The following TAB1 variants were observed in gnomAD, a reference collection of about 807,000 sequenced individuals.
TAB1 encodes TGF-beta-activated kinase 1 and MAP3K7-binding protein 1.
TAB1 carries 30 observed loss-of-function variants against 54.5 expected under a neutral mutation model. The observed-to-expected ratio is 0.55, with a 90% CI of 0.41 to 0.75. The LOEUF (loss-of-function observed/expected upper bound fraction) is 0.75, where lower values mean the gene tolerates loss of function less well. Ranked by LOEUF, TAB1 falls within the 30% of genes least tolerant of loss-of-function variation. TAB1 has a pLI of 0.00. For synonymous variants in TAB1, 289 were observed against 286.9 expected, an observed-to-expected ratio of 1.01 and a Z score of -0.07; for missense variants, 609 against 683.2, an observed-to-expected ratio of 0.89 and a Z score of 1.21.
At position 39,400,392 on chromosome 22, in the gene TAB1, A is replaced by G. The variant is rs551877801; in HGVS notation, c.33+557A>G. The stretch of plus-strand genomic sequence containing the variant: ...AAAATCAGGCAGTGTGATTCCAGAA[A>G]CCCCCTTAACCCCTGGGCTGTACTA... On this transcript the variant is annotated intron_variant, in intron 1 of 10. Coordinates refer to ENST00000216160, the MANE Select transcript of TAB1 (RefSeq NM_006116.3). 5.3e-5 allele frequency among the ~76,000 whole-genome samples: 8 copies of G among 151,774 alleles called. 1 individual carries two copies. The South Asian group carries it at 1.7e-3, about 32-fold the overall frequency.
chr22:39,431,949 C>A, downstream of TAB1: 1 of 896,464 alleles, frequency 1.1e-6, no homozygotes, highest in Non-Finnish European at 1.3e-6. Context: ...CCCCTCTTCA[C>A]TGCCCTGGAG....
chr22:39,400,641 T>C (rs1387617424), intron 1 of TAB1, among the ~76,000 whole-genome samples: 1 of 152,232 alleles, frequency 6.6e-6, no homozygotes, highest in African/African-American at 2.4e-5. Context: ...GTTGGCACCA[T>C]GGACTACTCT....
At position 39,415,821 on chromosome 22, in the gene TAB1, C is replaced by T. The variant is rs1230436602; in HGVS notation, c.324+168C>T. On this transcript the variant is annotated intron_variant, in intron 3 of 10. Coordinates refer to ENST00000216160, the MANE Select transcript of TAB1 (RefSeq NM_006116.3). This position sits in a 1 kb window ranked among gnomAD's most constrained non-coding sequence, Gnocchi z 4.9. ...GTAGGCCCCCCCACCCAACAGGAGT[C>T]CAGGACCAGCCAGCGAGCAGCAGGC... 6.6e-6 allele frequency among the ~76,000 whole-genome samples: 1 copy of T among 152,186 alleles called. No homozygotes were observed. Among genetic ancestry groups the T allele is most frequent in the African/African-American group, 2.4e-5 (1 of 41,432 alleles).
chr22:39,428,857 G>A (rs1927464863), intron 10 of TAB1, among the ~76,000 whole-genome samples: 1 of 152,254 alleles, frequency 6.6e-6, no homozygotes, highest in South Asian at 2.1e-4. Flanking sequence ...TGGGCGGCCT[G>A]CATGCCTCTG....
intron 8 of TAB1, among the ~76,000 whole-genome samples, chr22:39,424,278 A>C (rs898769254): frequency 6.6e-6 from 1 of 152,088 alleles, no homozygotes; most frequent in Non-Finnish European, 1.5e-5. Context: ...CATCTTTGCA[A>C]TTGTGAATTG....
chr22:39,417,845 T>C lies in TAB1; in HGVS notation c.546T>C (p.Asn182=), dbSNP rs1926905776. 2 of 1,605,066 alleles carry C rather than the reference T, an allele frequency of 1.2e-6. No homozygotes were observed. Among genetic ancestry groups the C allele is most frequent in the South Asian group, 1.1e-5 (1 of 89,420 alleles). The change falls in exon 5 of 11, where the codon AAT becomes AAC. Residue 182 remains asparagine (N), a synonymous_variant. Coordinates refer to ENST00000216160, the MANE Select transcript of TAB1 (RefSeq NM_006116.3). The part of the protein sequence containing the change: ...VLLNNKLYVA[N]VGTNRALLCK... ...TCAACAACAAGCTCTACGTCGCCAATGTCGGTGAGCCCCCTCCTGTCCCAG... is the reference window on the plus strand; with the variant it reads ...TCAACAACAAGCTCTACGTCGCCAACGTCGGTGAGCCCCCTCCTGTCCCAG...
chr22:39,416,478 C>T (rs1926839068), intron 3 of TAB1, among the ~76,000 whole-genome samples: 1 of 152,266 alleles, frequency 6.6e-6, no homozygotes, highest in South Asian at 2.1e-4. Context: ...AGAGGTCACA[C>T]CAGCTGGGCC....
At chr22:39,414,756 G>A (rs974970150) in intron 1 of TAB1, 12 of 501,250 alleles carry the variant, frequency 2.4e-5, no homozygotes, top group African/African-American at 4.0e-5. Context: ...GGAGGTCATT[G>A]CTGCGCCTTA....
chr22:39,436,498 C>A (rs755365392), downstream of TAB1: 1 of 1,613,610 alleles, frequency 6.2e-7, no homozygotes, highest in South Asian at 1.1e-5. Flanking sequence ...AGAGACCCTT[C>A]CAGGCCTGCA....
At chr22:39,411,244 G>A (rs1382329624) in intron 1 of TAB1, among the ~76,000 whole-genome samples, 1 of 152,130 alleles carries the variant, frequency 6.6e-6, no homozygotes, top group African/African-American at 2.4e-5. Context: ...CTTGGGACTG[G>A]ACAGAGAGTT....
At chr22:39,432,680 C>A, downstream of TAB1, 1 of 898,628 alleles carries the variant, frequency 1.1e-6, no homozygotes, top group Non-Finnish European at 1.3e-6. Context: ...AACTGAGGCA[C>A]AGACAGGTTC....
At chr22:39,426,316 TC>T (rs1927333224) in intron 8 of TAB1, among the ~76,000 whole-genome samples, 1 of 152,244 alleles carries the variant, frequency 6.6e-6, no homozygotes, top group Non-Finnish European at 1.5e-5. Flanking sequence ...ATGTATAACA[TC>T]GCCTACAACA....
intron 1 of TAB1, among the ~76,000 whole-genome samples, chr22:39,410,209 G>A (rs1401449180): frequency 6.6e-6 from 1 of 152,160 alleles, no homozygotes; most frequent in African/African-American, 2.4e-5. Context: ...CTGCATTCAA[G>A]TGATTCTCCT....
In TAB1 at chr22:39,415,504, G is replaced by A. The variant is rs149626475; in HGVS notation, c.175G>A (p.Glu59Lys). The change falls in exon 3 of 11, where the codon GAG (glutamate) becomes AAG (lysine). Residue 59 changes from glutamate (E) to lysine (K), a missense_variant. Physicochemically the swap from Glu to Lys is moderately conservative, Grantham distance 56. Coordinates refer to ENST00000216160, the MANE Select transcript of TAB1 (RefSeq NM_006116.3). This position sits in a 1 kb window ranked among gnomAD's most constrained non-coding sequence, Gnocchi z 4.9. ...PEDSWLKFRSENNCFLYGVFN... is the reference protein window; with the variant it reads ...PEDSWLKFRSKNNCFLYGVFN... ...TCTGCCCTCTCCCTCTTCCAGGAGT[G>A]AGAACAACTGCTTCCTGTATGGGGT... 2.5e-6 allele frequency: 4 copies of A among 1,613,644 alleles called. No homozygotes were observed. The highest frequency in any genetic ancestry group is 1.3e-5 in the African/African-American group (1 of 74,930).
Position 39,430,600 on chromosome 22 carries a change from C to G in TAB1, c.*378C>G, listed in dbSNP as rs1382926032. On this transcript the variant is annotated 3_prime_UTR_variant, in exon 11 of 11. Coordinates refer to ENST00000216160, the MANE Select transcript of TAB1 (RefSeq NM_006116.3). ...CCTGAGTGTTGCAGGCCCAGCAGAC[C>G]CTGCTGTCCCAAGCCCACCCCTCCT... 8.9e-7 allele frequency: 1 copy of G among 1,126,484 alleles called. No individual in the cohort carries two copies. Among genetic ancestry groups the G allele is most frequent in the Non-Finnish European group, 1.1e-6 (1 of 909,974 alleles). 69.8% of individuals were successfully genotyped at this position (1,126,484 alleles called of 1,614,324 possible).
chr22:39,400,820 G>A (rs946710744), intron 1 of TAB1, among the ~76,000 whole-genome samples: 27 of 152,006 alleles, frequency 1.8e-4, no homozygotes, highest in African/African-American at 6.3e-4. Context: ...TGGATCACGA[G>A]GTCAGGAGAT....
chr22:39,429,768 C>T (rs1296479851), intron 10 of TAB1: 1 of 967,862 alleles, frequency 1.0e-6, no homozygotes, highest in Non-Finnish European at 1.2e-6. Context: ...AGGCATGAGC[C>T]ACCGCGCCCA....
rs1222089472 is a variant in TAB1, at chr22:39,431,432, AC to A, written c.*1216del. On this transcript the variant is annotated 3_prime_UTR_variant, in exon 11 of 11. Coordinates refer to ENST00000216160, the MANE Select transcript of TAB1 (RefSeq NM_006116.3). ...CTGAGCCATTTTGTCAGTATCCAGGACCCCCCGGATTCTCCACGCCCTCCCC... is the reference window on the plus strand; with the variant it reads ...CTGAGCCATTTTGTCAGTATCCAGGACCCCCGGATTCTCCACGCCCTCCCC... 1.0e-6 allele frequency: 1 copy of A among 984,712 alleles called. No individual in the cohort carries two copies. The allele number at this position is 984,712 out of a possible 1,614,324, so 61.0% of individuals were successfully genotyped here. A position where few individuals can be genotyped will look rare whatever the true frequency, so the allele number is the denominator to read the frequency against.
chr22:39,421,360 A>C (rs1021945931), intron 7 of TAB1, among the ~76,000 whole-genome samples: 12 of 152,170 alleles, frequency 7.9e-5, no homozygotes, highest in Admixed American at 5.9e-4. Flanking sequence ...CTCCATGTGC[A>C]CACACATGTG....
Sources: gnomAD v4.1 joint callset for allele counts (sites outside exome capture counted in the v4.1 genomes callset) on GRCh38, gnomAD v4.1.1 for gene constraint, Gnocchi (gnomAD v3.1) non-coding constraint, MANE v1.5 for transcripts, NCBI Gene and HGNC (gene_info 2026-07-23, HGNC 2026-07-21) for gene names.